The following OLR1 variants were observed in gnomAD, a reference collection of about 807,000 sequenced individuals.
The protein encoded by OLR1 is oxidized low-density lipoprotein receptor 1.
Under a neutral mutation model 31.7 loss-of-function variants are expected in OLR1, and 23 were observed. The observed-to-expected ratio is 0.72, with a 90% CI of 0.52 to 1.03. The LOEUF is 1.03. OLR1 is among the 50% of genes least tolerant of loss of function. The pLI is 0.00. For synonymous variants in OLR1, 117 were observed against 115.8 expected (o/e 1.01, Z -0.07); for missense variants, 286 against 315.7 (o/e 0.91, Z 0.71).
At chr12:10,172,689 G>A (rs980878078), upstream of OLR1, among the ~76,000 whole-genome samples, 2 of 152,186 alleles carry the variant, frequency 1.3e-5, no homozygotes, top group African/African-American at 4.8e-5. Flanking sequence ...CCAGTGTAAC[G>A]TAGCAGCAGA....
In OLR1 at chr12:10,160,003, A is replaced by G; in HGVS notation, c.699T>C (p.Ala233=). The change falls in exon 6 of 6, where the codon GCT becomes GCC. Residue 233 remains alanine (A), a synonymous_variant. Transcript: ENST00000309539. ...TACCTGAAGGGTATGTCTGGGAGACAGCGCCTCGGACTCTAAATCTGCAGG... is the reference window on the plus strand; with the variant it reads ...TACCTGAAGGGTATGTCTGGGAGACGGCGCCTCGGACTCTAAATCTGCAGG... ...LMPHLFRVRG[A]VSQTYPSGTC... The G allele has an allele frequency of 6.2e-7, 1 of 1,610,934 alleles. No homozygotes were observed. Among genetic ancestry groups the G allele is most frequent in the Non-Finnish European group, 8.5e-7 (1 of 1,177,924 alleles).
chr12:10,162,545 T>C (rs1175373877), intron 3 of OLR1, among the ~76,000 whole-genome samples: 1 of 152,202 alleles, frequency 6.6e-6, no homozygotes, highest in Non-Finnish European at 1.5e-5. Context: ...TGTACGTTTT[T>C]GGCTGGGGGT....
In OLR1 at chr12:10,160,578, C is replaced by T. The variant is rs143492787; in HGVS notation, c.565-116G>A. On this transcript the variant is annotated intron_variant, in intron 4 of 5. Transcript: ENST00000309539. ...AACCAAAAGGTATCTTTGACATCCC[C>T]TTGACTGTTTTACGGAAACACTTAC... The T allele has an allele frequency of 4.0e-6, 4 of 991,788 alleles. No individual in the cohort carries two copies. The African/African-American group carries it at 6.5e-5, about 16-fold the overall frequency. 61.4% of individuals were successfully genotyped at this position (991,788 alleles called of 1,614,324 possible).
At chr12:10,171,082 A>G (rs1565423162) in intron 1 of OLR1, among the ~76,000 whole-genome samples, 1 of 152,220 alleles carries the variant, frequency 6.6e-6, no homozygotes, top group Non-Finnish European at 1.5e-5. Context: ...AAAGAAACGA[A>G]TGACTATTGT....
chr12:10,160,210 A>G, intron 5 of OLR1, 137 bp downstream of exon 5: 1 of 911,154 alleles, frequency 1.1e-6, no homozygotes, highest in Non-Finnish European at 1.7e-6. Flanking sequence ...GTAAGGAAGG[A>G]GACTTTGAGA....
Position 10,166,455 on chromosome 12 carries a change from G to C in OLR1, c.424+257C>G, listed in dbSNP as rs141745569. ...AGGCAAGAGAATCACTTGAACCCAGGGGGTGGAGGTTGCAGTGAGCAGAGA... is the reference window on the plus strand; with the variant it reads ...AGGCAAGAGAATCACTTGAACCCAGCGGGTGGAGGTTGCAGTGAGCAGAGA... On this transcript the variant is annotated intron_variant, in intron 3 of 5. Transcript: ENST00000309539. Among the ~76,000 whole-genome samples the C allele has an allele frequency of 2.7e-3, 417 of 151,644 alleles. 2 individuals are homozygous for C. The highest frequency in any genetic ancestry group is 9.4e-3 in the African/African-American group (389 of 41,354).
At chr12:10,174,688 T>G (rs1948753191), upstream of OLR1, among the ~76,000 whole-genome samples, 2 of 152,202 alleles carry the variant, frequency 1.3e-5, no homozygotes, top group African/African-American at 4.8e-5. Flanking sequence ...TTTCTATGTA[T>G]GTACACAGCG....
At chr12:10,167,053 G>C in intron 2 of OLR1, 96 bp from the exon 3 acceptor site, 6 of 1,218,316 alleles carry the variant, frequency 4.9e-6, no homozygotes, top group Non-Finnish European at 5.7e-6. Flanking sequence ...AATCTATTTT[G>C]ACAATAGATA....
intron 3 of OLR1, among the ~76,000 whole-genome samples, chr12:10,165,385 A>G (rs1229959847): frequency 1.3e-5 from 2 of 151,734 alleles, no homozygotes; most frequent in Non-Finnish European, 2.9e-5. Flanking sequence ...AGCCGAGATC[A>G]GGCCACTGCA....
intron 4 of OLR1, 154 bp from the exon 5 acceptor site, chr12:10,160,616 A>T: frequency 1.0e-6 from 1 of 983,086 alleles, no homozygotes; most frequent in Non-Finnish European, 1.6e-6. Flanking sequence ...AAGGCTAGAG[A>T]TACTACAGAG....
At chr12:10,160,495 T>A (rs769695774) in intron 4 of OLR1, 33 bp from the exon 5 acceptor site, 21 of 1,510,432 alleles carry the variant, frequency 1.4e-5, no homozygotes, top group Non-Finnish European at 1.9e-5. Context: ...GTTTGTGGAA[T>A]CCACATGGTG....
At position 10,166,814 on chromosome 12, in the gene OLR1, T is replaced by C; in HGVS notation, c.322A>G (p.Thr108Ala). The change falls in exon 3 of 6, where the codon ACC becomes GCC. Residue 108 changes from threonine to alanine, a missense_variant. Thr to Ala is a moderately conservative substitution (Grantham distance 58, BLOSUM62 0). Coordinates refer to ENST00000309539, the MANE Select transcript of OLR1 (RefSeq NM_002543.4). ...TTCTCATTCAGCTTCCGAGCAAGGGTTTCTATCATTTCCTTGAGTTCGTTT... is the reference window on the plus strand; with the variant it reads ...TTCTCATTCAGCTTCCGAGCAAGGGCTTCTATCATTTCCTTGAGTTCGTTT... ...SENELKEMIE[T>A]LARKLNEKSK... is the part of the protein sequence containing the mutation. 1 of 1,613,598 alleles carries C rather than the reference T, an allele frequency of 6.2e-7. No individual in the cohort carries two copies. Among genetic ancestry groups the C allele is most frequent in the Non-Finnish European group, 8.5e-7 (1 of 1,179,960 alleles).
chr12:10,168,717 C>A (rs1324212669), intron 2 of OLR1, among the ~76,000 whole-genome samples: 3 of 152,212 alleles, frequency 2.0e-5, no homozygotes, highest in Non-Finnish European at 2.9e-5. Context: ...TGGTCTTGAA[C>A]TCCTGACCTC....
chr12:10,173,223 A>G (rs1345319886), upstream of OLR1, among the ~76,000 whole-genome samples: 5 of 152,196 alleles, frequency 3.3e-5, no homozygotes. Context: ...AACCAGATAT[A>G]TATCTATTAG....
intron 1 of OLR1, 42 bp from the exon 2 acceptor site, chr12:10,169,217 G>T: frequency 2.1e-6 from 3 of 1,424,156 alleles, no homozygotes; most frequent in Non-Finnish European, 2.9e-6. Context: ...AAAAAAGAGT[G>T]AACAAGTAAG....
chr12:10,174,800 T>C (rs1179460047), upstream of OLR1, among the ~76,000 whole-genome samples: 1 of 152,238 alleles, frequency 6.6e-6, no homozygotes, highest in Non-Finnish European at 1.5e-5. Context: ...AATTGGTTTA[T>C]TTTAGGCACC....
At chr12:10,162,374 A>G (rs1338722847) in intron 3 of OLR1, among the ~76,000 whole-genome samples, 1 of 152,208 alleles carries the variant, frequency 6.6e-6, no homozygotes, top group Non-Finnish European at 1.5e-5. Context: ...GGACTGAAAA[A>G]CAGAAAAAAG....
chr12:10,176,023 C>T (rs1258032231), upstream of OLR1, among the ~76,000 whole-genome samples: 6 of 152,200 alleles, frequency 3.9e-5, no homozygotes, highest in Non-Finnish European at 7.3e-5. Flanking sequence ...ACTCCAAGTC[C>T]TTAACTACCT....
chr12:10,168,655 G>A (rs963221885), intron 2 of OLR1, among the ~76,000 whole-genome samples: 8 of 152,092 alleles, frequency 5.3e-5, no homozygotes, highest in South Asian at 4.1e-4. Flanking sequence ...CACCACACCC[G>A]GCTACTTTTT....
Sources: allele counts gnomAD v4.1 joint callset (sites outside exome capture counted in the v4.1 genomes callset), GRCh38; gene constraint gnomAD v4.1.1; transcripts MANE v1.5; gene names NCBI Gene and HGNC (gene_info 2026-07-23, HGNC 2026-07-21).